The following MAP1B variants were observed in gnomAD, a reference collection of about 807,000 sequenced individuals.
The protein encoded by MAP1B is microtubule associated protein 1B, also known as microtubule-associated protein 1B.
In MAP1B, 12 loss-of-function variants were observed where a neutral mutation model predicts 176.1. The ratio of observed to expected loss-of-function variants is 0.07; its 90% confidence interval spans 0.04 to 0.11. The LOEUF (loss-of-function observed/expected upper bound fraction) is 0.11. Among genes scored for constraint, MAP1B ranks in the 10% least tolerant of loss-of-function variants. The probability of loss-of-function intolerance (pLI) is 1.00; values close to 1 mark genes in which losing one functional copy is unlikely to be tolerated. For missense variants in MAP1B, 2,523 were observed against 2,990.5 expected, an observed-to-expected ratio of 0.84 and a Z score of 3.65; for synonymous variants, 1,044 against 1,135.0, an observed-to-expected ratio of 0.92 and a Z score of 1.61.
chr5:72,175,647 A>C (rs1746638403), intron 2 of MAP1B, among the ~76,000 whole-genome samples: 1 of 152,200 alleles, frequency 6.6e-6, no homozygotes, highest in Non-Finnish European at 1.5e-5. Context: ...GGAGAAGAAA[A>C]AAAGGAAGAG....
In MAP1B at chr5:72,204,798, C is replaced by T. The variant is rs1169417359; in HGVS notation, c.7252-286C>T. ...GTTAAAGGAAATACAAAAAATTGTA[C>T]CCTAACGGAAGCACTTCTCTTAACA... On this transcript the variant is annotated intron_variant, in intron 6 of 6. Coordinates refer to ENST00000296755, the MANE Select transcript of MAP1B (RefSeq NM_005909.5). The surrounding 1 kb of genome is among the most constrained non-coding windows in gnomAD (Gnocchi z 4.4). Among the ~76,000 whole-genome samples the T allele has an allele frequency of 6.6e-6, 1 of 152,172 alleles. No homozygotes were observed. Among genetic ancestry groups the T allele is most frequent in the Non-Finnish European group, 1.5e-5 (1 of 68,028 alleles).
At chr5:72,147,290 A>G (rs1161972748) in intron 2 of MAP1B, among the ~76,000 whole-genome samples, 1 of 152,020 alleles carries the variant, frequency 6.6e-6, no homozygotes, top group Non-Finnish European at 1.5e-5. Context: ...TAAAAAACAA[A>G]AGAAAATGGC....
At position 72,196,185 on chromosome 5, in the gene MAP1B, G is replaced by A. The variant is rs375164464; in HGVS notation, c.2830G>A (p.Glu944Lys). The A allele has an allele frequency of 2.7e-5, 43 of 1,613,348 alleles. No homozygotes were observed. Among genetic ancestry groups the A allele is most frequent in the Non-Finnish European group, 3.4e-5 (40 of 1,179,996 alleles). ...EESSETGDYEEKAETEEAEEP... is the reference protein window; with the variant it reads ...EESSETGDYEKKAETEEAEEP... ...ATCTTCAGAGACTGGAGACTATGAA[G>A]AGAAGGCAGAAACTGAGGAGGCTGA... Residue 944 changes from glutamate to lysine, a missense_variant, in exon 5 of 7, where the codon GAG (glutamate) becomes AAG (lysine). Transcript: ENST00000296755. This position sits in a 1 kb window ranked among gnomAD's most constrained non-coding sequence, Gnocchi z 5.3.
In MAP1B at chr5:72,199,741, C is replaced by A; in HGVS notation, c.6386C>A (p.Ala2129Asp). ...SEKPLTQSGG[A>D]PPPPGGKQQG... ...AAGCCCCTCACTCAATCAGGGGGAG[C>A]CCCACCGCCTCCAGGAGGAAAGCAA... Residue 2129 changes from alanine (A) to aspartate (D), a missense_variant, in exon 5 of 7, where the codon GCC becomes GAC. Ala to Asp is a moderately radical substitution (Grantham distance 126). Around this residue, in one of 4 missense-constraint regions of MAP1B, gnomAD observed 1,925 missense variants for 2,126.0 expected, o/e 0.91. Transcript: ENST00000296755. This position sits in a 1 kb window ranked among gnomAD's most constrained non-coding sequence, Gnocchi z 4.2. 1 of 1,614,120 alleles carries A rather than the reference C, an allele frequency of 6.2e-7. No individual in the cohort carries two copies. Among genetic ancestry groups the A allele is most frequent in the East Asian group, 2.2e-5 (1 of 44,878 alleles).
chr5:72,107,796 C>A (rs1248001288), intron 1 of MAP1B, 81 bp downstream of exon 1: 34 of 1,456,376 alleles, frequency 2.3e-5, no homozygotes, highest in Non-Finnish European at 3.1e-5. Flanking sequence ...GGTCACTGCG[C>A]TCCTCCCGCG....
chr5:72,119,884 A>C (rs1348005560), intron 2 of MAP1B, among the ~76,000 whole-genome samples: 1 of 152,188 alleles, frequency 6.6e-6, no homozygotes, highest in Non-Finnish European at 1.5e-5. Flanking sequence ...ATTATATCAT[A>C]TGTTTTTTGT....
At chr5:72,169,061 A>T (rs1340659042) in intron 2 of MAP1B, among the ~76,000 whole-genome samples, 2 of 152,216 alleles carry the variant, frequency 1.3e-5, no homozygotes, top group Non-Finnish European at 2.9e-5. Flanking sequence ...TTCAGCAAAA[A>T]ATATGGTTTG....
rs74409438 is a variant in MAP1B, at chr5:72,118,380, A to G, written c.286+2581A>G. 8.7e-3 allele frequency among the ~76,000 whole-genome samples: 1,322 copies of G among 152,280 alleles called. 19 individuals carry two copies. Among genetic ancestry groups the G allele is most frequent in the African/African-American group, 0.03 (1,229 of 41,536 alleles). Reference sequence around the variant, plus strand: ...AAGGATGGATCCCCTAAAAAAAAATAGAGCCATTTTTCAGCCAGGTAAAAC... The same window carrying G: ...AAGGATGGATCCCCTAAAAAAAAATGGAGCCATTTTTCAGCCAGGTAAAAC... On this transcript the variant is annotated intron_variant, in intron 2 of 6. Coordinates refer to ENST00000296755, the MANE Select transcript of MAP1B (RefSeq NM_005909.5).
chr5:72,182,016 AC>A (rs1175876824), intron 2 of MAP1B, among the ~76,000 whole-genome samples: 1 of 122,380 alleles, frequency 8.2e-6, no homozygotes, highest in Admixed American at 8.8e-5. Flanking sequence ...GAGCCACCGC[AC>A]CTGGCCTTTT....
intron 2 of MAP1B, among the ~76,000 whole-genome samples, chr5:72,179,040 C>A (rs560928387): frequency 1.7e-4 from 26 of 152,244 alleles, no homozygotes; most frequent in Non-Finnish European, 3.5e-4. Context: ...ACAAAAGTCT[C>A]ATTGTCTGCA....
intron 2 of MAP1B, among the ~76,000 whole-genome samples, chr5:72,182,478 A>G (rs1256996467): frequency 6.6e-6 from 1 of 152,218 alleles, no homozygotes; most frequent in Non-Finnish European, 1.5e-5. Flanking sequence ...TCATCAATAG[A>G]TGGACATGTG....
At chr5:72,134,679 C>T (rs770281512) in intron 2 of MAP1B, among the ~76,000 whole-genome samples, 8 of 151,784 alleles carry the variant, frequency 5.3e-5, no homozygotes, top group Admixed American at 3.3e-4. Context: ...TTAGTGAAAG[C>T]GTCTGGGACA....
At chr5:72,169,759 T>G (rs1335209352) in intron 2 of MAP1B, among the ~76,000 whole-genome samples, 1 of 152,174 alleles carries the variant, frequency 6.6e-6, no homozygotes, top group Non-Finnish European at 1.5e-5. Flanking sequence ...ATAAGTTGGT[T>G]GGAGGCAATA....
At chr5:72,123,507 T>C (rs796310089) in intron 2 of MAP1B, among the ~76,000 whole-genome samples, 5 of 144,794 alleles carry the variant, frequency 3.5e-5, no homozygotes, top group African/African-American at 1.1e-4. Context: ...TTTTTGAAGA[T>C]GGAGTCTCAC....
At position 72,194,938 on chromosome 5, in the gene MAP1B, C is replaced by G. The variant is rs767185911; in HGVS notation, c.1583C>G (p.Pro528Arg). 8 of 1,614,180 alleles carry G rather than the reference C, an allele frequency of 5.0e-6. No individual in the cohort carries two copies. Among genetic ancestry groups the G allele is most frequent in the Non-Finnish European group, 6.8e-6 (8 of 1,180,036 alleles). Residue 528 changes from proline to arginine, a missense_variant, in exon 5 of 7, where the codon CCT becomes CGT. This residue lies in a region of MAP1B where 1,925 missense variants were observed against 2,126.0 expected (regional missense o/e 0.91). Transcript: ENST00000296755. This position sits in a 1 kb window ranked among gnomAD's most constrained non-coding sequence, Gnocchi z 7.2. ...GATCTCACTGGCCAGGTGCCCACTC[C>G]TGTGGTGAAACAAACAAAACTGAAA... ...QKDLTGQVPT[P>R]VVKQTKLKQR...
intron 4 of MAP1B, among the ~76,000 whole-genome samples, chr5:72,187,996 C>T (rs1746947436): frequency 6.6e-6 from 1 of 152,214 alleles, no homozygotes; most frequent in South Asian, 2.1e-4. Context: ...AGCTCACTCA[C>T]AGTTGGTTCA....
In MAP1B at chr5:72,186,833, CAAAAG is replaced by C; in HGVS notation, c.510+82_510+86del. The C allele has an allele frequency of 6.5e-7, 1 of 1,531,476 alleles. No homozygotes were observed. The highest frequency in any genetic ancestry group is 1.7e-5 in the Admixed American group (1 of 58,166). The allele number at this position is 1,531,476 out of a possible 1,614,324, so 94.9% of individuals were successfully genotyped here. A position where few individuals can be genotyped will look rare whatever the true frequency, so the allele number is the denominator to read the frequency against. On this transcript the variant is annotated intron_variant, in intron 4 of 6. Coordinates refer to ENST00000296755, the MANE Select transcript of MAP1B (RefSeq NM_005909.5). The surrounding 1 kb of genome is among the most constrained non-coding windows in gnomAD (Gnocchi z 4.3). The stretch of plus-strand genomic sequence containing the variant: ...TCCTCTTTGAGAGCACTGGGGGAGA[CAAAAG>C]AAGAAGGGAGGGAACCTCACAGCTC...
At chr5:72,139,157 C>T (rs1205926622) in intron 2 of MAP1B, among the ~76,000 whole-genome samples, 3 of 152,092 alleles carry the variant, frequency 2.0e-5, no homozygotes, top group Non-Finnish European at 4.4e-5. Flanking sequence ...AGAATAATGA[C>T]ATGGCACGAA....
At chr5:72,172,038 G>T (rs1238560792) in intron 2 of MAP1B, among the ~76,000 whole-genome samples, 1 of 152,202 alleles carries the variant, frequency 6.6e-6, no homozygotes, top group Non-Finnish European at 1.5e-5. Context: ...TTGGGCTAAG[G>T]CTTTATGTCA....
Sources: allele counts gnomAD v4.1 joint callset (sites outside exome capture counted in the v4.1 genomes callset), GRCh38; gene constraint gnomAD v4.1.1; regional missense constraint gnomAD v4.1.1; non-coding constraint Gnocchi (gnomAD v3.1); transcripts MANE v1.5; gene names NCBI Gene and HGNC (gene_info 2026-07-23, HGNC 2026-07-21).